The following SMOC2 variants were observed in gnomAD, a reference collection of about 807,000 sequenced individuals.
The protein encoded by SMOC2 is SPARC-related modular calcium-binding protein 2.
Under a neutral mutation model 61.4 loss-of-function variants are expected in SMOC2, and 39 were observed. That is an observed-to-expected ratio of 0.64 (90% CI 0.49 to 0.83). The LOEUF (loss-of-function observed/expected upper bound fraction) is 0.83, where lower values mean the gene tolerates loss of function less well. SMOC2 is among the 40% of genes least tolerant of loss of function. SMOC2 has a pLI of 0.00. For missense variants in SMOC2, 556 were observed against 592.9 expected (o/e 0.94, Z 0.65); for synonymous variants, 247 against 239.9 (o/e 1.03, Z -0.27).
At chr6:168,519,020 C>CGTGCATGT (rs1783246426) in intron 2 of SMOC2, among the ~76,000 whole-genome samples, 1 of 103,040 alleles carries the variant, frequency 9.7e-6, no homozygotes, top group African/African-American at 2.8e-5. Context: ...TGCGTGCATG[C>CGTGCATGT]GAACATGTGT....
chr6:168,450,045 A>C lies in SMOC2; in HGVS notation c.84+8591A>C, dbSNP rs548452876. 1.7e-3 allele frequency among the ~76,000 whole-genome samples: 180 copies of C among 106,500 alleles called. 1 individual carries two copies. The highest frequency in any genetic ancestry group is 4.6e-3 in the African/African-American group (174 of 37,774). 69.9% of individuals were successfully genotyped at this position (106,500 alleles called of 152,430 possible). On this transcript the variant is annotated intron_variant, in intron 1 of 12. Coordinates refer to ENST00000356284, the MANE Select transcript of SMOC2 (RefSeq NM_001166412.2). Reference sequence around the variant, plus strand: ...CCTTGAGATGTGCTTATCTATCAGGAGGAGGAGGAGAAAGAGAAGAGAGAG... The same window carrying C: ...CCTTGAGATGTGCTTATCTATCAGGCGGAGGAGGAGAAAGAGAAGAGAGAG...
intron 7 of SMOC2, among the ~76,000 whole-genome samples, chr6:168,577,241 T>C (rs922364212): frequency 2.0e-5 from 3 of 152,048 alleles, no homozygotes; most frequent in Non-Finnish European, 2.9e-5. Flanking sequence ...AAACACGCAC[T>C]CTCTTCTTAT....
chr6:168,572,925 GCATCCCCT>G, intron 7 of SMOC2, among the ~76,000 whole-genome samples: 1 of 93,608 alleles, frequency 1.1e-5, no homozygotes, highest in South Asian at 4.3e-4. Flanking sequence ...CTTCCTCCCC[GCATCCCCT>G]GGTGCCGGGA....
intron 7 of SMOC2, among the ~76,000 whole-genome samples, chr6:168,552,554 C>A (rs1234133826): frequency 6.6e-6 from 1 of 152,142 alleles, no homozygotes; most frequent in Non-Finnish European, 1.5e-5. Context: ...TTTGTTCCCG[C>A]AGACATAGAA....
At chr6:168,510,753 A>C (rs1782987924) in intron 2 of SMOC2, among the ~76,000 whole-genome samples, 1 of 152,170 alleles carries the variant, frequency 6.6e-6, no homozygotes, top group South Asian at 2.1e-4. Context: ...GCAAACCAGC[A>C]CTGAGTGCAG....
chr6:168,489,690 A>G (rs1406768644), intron 1 of SMOC2, among the ~76,000 whole-genome samples: 2 of 151,796 alleles, frequency 1.3e-5, no homozygotes, highest in Admixed American at 1.3e-4. Flanking sequence ...TTTTAGAATG[A>G]AATATATCAA....
chr6:168,519,489 G>C (rs1783274809), intron 2 of SMOC2, among the ~76,000 whole-genome samples: 1 of 152,142 alleles, frequency 6.6e-6, no homozygotes, highest in Admixed American at 6.5e-5. Flanking sequence ...TGATGTTTGG[G>C]AGCGCCCTTC....
At chr6:168,454,832 G>C (rs1176996471) in intron 1 of SMOC2, among the ~76,000 whole-genome samples, 1 of 152,224 alleles carries the variant, frequency 6.6e-6, no homozygotes, top group East Asian at 1.9e-4. Context: ...GACGCTGCTG[G>C]GGACAGGTTG....
At chr6:168,449,326 C>T (rs1193968728) in intron 1 of SMOC2, among the ~76,000 whole-genome samples, 1 of 152,180 alleles carries the variant, frequency 6.6e-6, no homozygotes, top group East Asian at 1.9e-4. Flanking sequence ...TAATATTCTT[C>T]CTGACATTAG....
chr6:168,566,318 A>G (rs186480144), intron 7 of SMOC2, among the ~76,000 whole-genome samples: 1 of 152,128 alleles, frequency 6.6e-6, no homozygotes, highest in Non-Finnish European at 1.5e-5. Context: ...TGTATACTAC[A>G]TATGAAATAC....
intron 9 of SMOC2, among the ~76,000 whole-genome samples, 179 bp downstream of exon 9, chr6:168,608,418 C>A (rs772014717): frequency 5.3e-5 from 8 of 152,200 alleles, no homozygotes; most frequent in Non-Finnish European, 1.0e-4. Context: ...GGGCCAGGAG[C>A]CCACACGGGG....
In SMOC2 at chr6:168,655,844, C is replaced by T. The variant is rs569133275; in HGVS notation, c.1285+2616C>T. Among the ~76,000 whole-genome samples the T allele has an allele frequency of 5.9e-5, 9 of 151,936 alleles. No individual in the cohort carries two copies. In the South Asian group the frequency reaches 8.3e-4, roughly 14 times the overall value. ...CCCACTTGTGCTAGATCTCACTGCA[C>T]GTATGTGCTCGATCCCTTGCATGTG... On this transcript the variant is annotated intron_variant, in intron 11 of 12. Coordinates refer to ENST00000356284, the MANE Select transcript of SMOC2 (RefSeq NM_001166412.2).
At chr6:168,442,655 C>T (rs1781241931) in intron 1 of SMOC2, among the ~76,000 whole-genome samples, 1 of 152,210 alleles carries the variant, frequency 6.6e-6, no homozygotes, top group African/African-American at 2.4e-5. Context: ...TTGAAATAAG[C>T]TGTGGTCGGT....
intron 1 of SMOC2, among the ~76,000 whole-genome samples, chr6:168,470,280 A>G (rs1781941722): frequency 6.6e-6 from 1 of 152,218 alleles, no homozygotes; most frequent in Admixed American, 6.5e-5. Context: ...TTTCCGTTAT[A>G]AAGCGTCTTC....
chr6:168,527,408 G>A (rs1783480066), intron 3 of SMOC2, among the ~76,000 whole-genome samples: 2 of 152,216 alleles, frequency 1.3e-5, no homozygotes, highest in African/African-American at 4.8e-5. Context: ...CACACTAGCA[G>A]TCAGTAAAGT....
At chr6:168,449,775 A>C (rs80008251) in intron 1 of SMOC2, among the ~76,000 whole-genome samples, 1 of 152,362 alleles carries the variant, frequency 6.6e-6, no homozygotes, top group Non-Finnish European at 1.5e-5. Context: ...CATTACCTTT[A>C]ATGAAGCATA....
At chr6:168,662,789 G>A (rs1184478945) in intron 11 of SMOC2, among the ~76,000 whole-genome samples, 1 of 152,190 alleles carries the variant, frequency 6.6e-6, no homozygotes, top group Non-Finnish European at 1.5e-5. Flanking sequence ...TAGACTTTGG[G>A]TGTAGAGCCT....
intron 1 of SMOC2, among the ~76,000 whole-genome samples, chr6:168,491,420 C>T (rs1782469037): frequency 6.6e-6 from 1 of 152,158 alleles, no homozygotes; most frequent in African/African-American, 2.4e-5. Flanking sequence ...TCCAAGACCT[C>T]ATGGCAGTCT....
Position 168,507,591 on chromosome 6 carries a change from C to T in SMOC2, c.85-2324C>T, listed in dbSNP as rs573495398. Among the ~76,000 whole-genome samples the T allele has an allele frequency of 1.2e-4, 18 of 152,374 alleles. No homozygotes were observed. The East Asian group carries it at 3.1e-3, about 26-fold the overall frequency. Reference sequence around the variant, plus strand: ...ATGTCTCCCAGGAGCTGCCTGCCCCCGGGGCGCCCCCCACTGCTGGAAGAG... The same window carrying T: ...ATGTCTCCCAGGAGCTGCCTGCCCCTGGGGCGCCCCCCACTGCTGGAAGAG... On this transcript the variant is annotated intron_variant, in intron 1 of 12. Coordinates refer to ENST00000356284, the MANE Select transcript of SMOC2 (RefSeq NM_001166412.2).
Sources: allele counts gnomAD v4.1 joint callset (sites outside exome capture counted in the v4.1 genomes callset), GRCh38; gene constraint gnomAD v4.1.1; transcripts MANE v1.5; gene names NCBI Gene and HGNC (gene_info 2026-07-23, HGNC 2026-07-21).